DYNC2H1: variants seen among roughly 807,000 people sequenced by gnomAD.
The protein encoded by DYNC2H1 is dynein cytoplasmic 2 heavy chain 1, also known as cytoplasmic dynein 2 heavy chain 1.
DYNC2H1 carries 410 observed loss-of-function variants against 570.0 expected under a neutral mutation model. The observed-to-expected ratio is 0.72, with a 90% CI of 0.66 to 0.78. DYNC2H1 has a LOEUF of 0.78. Ranked by LOEUF, DYNC2H1 falls within the 30% of genes least tolerant of loss-of-function variation. DYNC2H1 has a pLI of 0.00. For missense variants in DYNC2H1, 4,865 were observed against 5,046.4 expected, an observed-to-expected ratio of 0.96 and a Z score of 1.09; for synonymous variants, 1,688 against 1,677.6, an observed-to-expected ratio of 1.01 and a Z score of -0.15.
At chr11:103,343,133 G>A (rs1302194708) in intron 82 of DYNC2H1, among the ~76,000 whole-genome samples, 1 of 152,142 alleles carries the variant, frequency 6.6e-6, no homozygotes, top group Admixed American at 6.5e-5. Context: ...TTCTGCTTTT[G>A]CTGTTCTTCC....
chr11:103,117,205 G>GTATA (rs892691180), intron 5 of DYNC2H1, among the ~76,000 whole-genome samples: 3 of 140,690 alleles, frequency 2.1e-5, no homozygotes, highest in East Asian at 4.1e-4. Flanking sequence ...TGAGGAAATT[G>GTATA]TATATATATA....
chr11:103,133,274 G>C lies in DYNC2H1; in HGVS notation c.1954-281G>C, dbSNP rs1190892347. 6.6e-6 allele frequency among the ~76,000 whole-genome samples: 1 copy of C among 151,988 alleles called. No homozygotes were observed. The highest frequency in any genetic ancestry group is 6.6e-5 in the Admixed American group (1 of 15,258). ...AGGTTTGTCGTGCCTTAATTCCTCAGGTTTCTAGGCTGTCTGCCTTCTTCA... is the reference window on the plus strand; with the variant it reads ...AGGTTTGTCGTGCCTTAATTCCTCACGTTTCTAGGCTGTCTGCCTTCTTCA... On this transcript the variant is annotated intron_variant, in intron 13 of 88. Coordinates refer to ENST00000375735, the MANE Select transcript of DYNC2H1 (RefSeq NM_001377.3). This position sits in a 1 kb window ranked among gnomAD's most constrained non-coding sequence, Gnocchi z 4.8.
intron 83 of DYNC2H1, among the ~76,000 whole-genome samples, chr11:103,365,286 G>C (rs959067296): frequency 6.6e-6 from 1 of 151,982 alleles, no homozygotes; most frequent in Non-Finnish European, 1.5e-5. Flanking sequence ...ACTTGAACCC[G>C]GGAGGCGGAG....
At chr11:103,263,022 CA>C (rs35912109) in intron 70 of DYNC2H1, among the ~76,000 whole-genome samples, 6,478 of 40,070 alleles carry the variant, frequency 0.16, 80 homozygotes, top group East Asian at 0.19. Flanking sequence ...AAATGGAAAG[CA>C]AAAAAAAAAA....
chr11:103,141,878 C>G (rs1859957819), intron 17 of DYNC2H1, among the ~76,000 whole-genome samples: 1 of 152,356 alleles, frequency 6.6e-6, no homozygotes, highest in Non-Finnish European at 1.5e-5. Flanking sequence ...GAGCTTCCCA[C>G]CTGCTTTGTT....
chr11:103,453,857 A>C (rs895554164), intron 85 of DYNC2H1, among the ~76,000 whole-genome samples: 4 of 151,882 alleles, frequency 2.6e-5, no homozygotes, highest in African/African-American at 7.2e-5. Flanking sequence ...ATTAGCAGAT[A>C]ATTTAATAAA....
rs370156627 is a variant in DYNC2H1 at position 103,311,960 on chromosome 11, A to G, written c.11576A>G (p.His3859Arg). ...PEQISKKDNT[H>R]RAHALFSLAW... ...CAAATTAGCAAAAAAGATAATACAC[A>G]TCGAGCTCATGCTCTCTTCAGTCTT... Residue 3859 changes from histidine to arginine, a missense_variant, in exon 79 of 89, where the codon CAT becomes CGT. Transcript: ENST00000375735. 40 of 1,613,840 alleles carry G rather than the reference A, an allele frequency of 2.5e-5. No homozygotes were observed. The highest frequency in any genetic ancestry group is 3.2e-5 in the Non-Finnish European group (38 of 1,179,830).
At chr11:103,437,758 A>G (rs1166819025) in intron 85 of DYNC2H1, among the ~76,000 whole-genome samples, 1 of 152,098 alleles carries the variant, frequency 6.6e-6, no homozygotes, top group Non-Finnish European at 1.5e-5. Flanking sequence ...ACTTTTCAGT[A>G]CTGTTTCCTT....
intron 75 of DYNC2H1, among the ~76,000 whole-genome samples, chr11:103,288,407 A>G (rs886069619): frequency 1.3e-5 from 2 of 152,122 alleles, no homozygotes; most frequent in Non-Finnish European, 2.9e-5. Context: ...TCTTGGGCAC[A>G]GGCAGAACTA....
chr11:103,135,061 C>G (rs1859467981), intron 15 of DYNC2H1, among the ~76,000 whole-genome samples: 1 of 151,930 alleles, frequency 6.6e-6, no homozygotes, highest in Non-Finnish European at 1.5e-5. Context: ...TATGAGCAAT[C>G]TAATATTTTA....
intron 43 of DYNC2H1, 25 bp from the exon 44 acceptor site, chr11:103,188,472 T>A (rs1459728164): frequency 4.7e-6 from 7 of 1,496,276 alleles, no homozygotes; most frequent in Admixed American, 3.8e-5. Context: ...TAAAAAACGT[T>A]TAAAATATAT....
Position 103,185,191 on chromosome 11 carries a change from A to G in DYNC2H1, c.6633+140A>G. On this transcript the variant is annotated intron_variant, in intron 41 of 88. Transcript: ENST00000375735. This position sits in a 1 kb window ranked among gnomAD's most constrained non-coding sequence, Gnocchi z 4.5. ...TATGTATTCAATTGAGTAATAATGT[A>G]TTTATGTATGTGTATTTATATTTTC... 4.9e-6 allele frequency: 3 copies of G among 606,402 alleles called. No homozygotes were observed. Among genetic ancestry groups the G allele is most frequent in the South Asian group, 3.5e-5 (1 of 28,810 alleles). The allele number at this position is 606,402 out of a possible 1,614,324, so 37.6% of individuals were successfully genotyped here.
intron 88 of DYNC2H1, among the ~76,000 whole-genome samples, chr11:103,475,304 T>C (rs1386401054): frequency 1.3e-5 from 2 of 152,324 alleles, no homozygotes; most frequent in East Asian, 3.9e-4. Flanking sequence ...CTTTTCTGCA[T>C]TAATTGAACA....
In DYNC2H1 at chr11:103,369,422, A is replaced by G. The variant is rs1199787595; in HGVS notation, c.12156+11063A>G. On this transcript the variant is annotated intron_variant, in intron 83 of 88. Coordinates refer to ENST00000375735, the MANE Select transcript of DYNC2H1 (RefSeq NM_001377.3). This position sits in a 1 kb window ranked among gnomAD's most constrained non-coding sequence, Gnocchi z 4.0. ...AATTCCTATGTGAGTAATGCTGCTG[A>G]ACTAGGCCCAGAGACAGTGAACTGG... 6.6e-6 allele frequency among the ~76,000 whole-genome samples: 1 copy of G among 152,178 alleles called. No individual in the cohort carries two copies. The highest frequency in any genetic ancestry group is 1.9e-4 in the East Asian group (1 of 5,182).
At chr11:103,240,267 TTA>T (rs1342679015) in intron 63 of DYNC2H1, among the ~76,000 whole-genome samples, 1 of 152,136 alleles carries the variant, frequency 6.6e-6, no homozygotes, top group Non-Finnish European at 1.5e-5. Context: ...TTATTAGAGT[TTA>T]TGTTTCCAGA....
At chr11:103,216,031 A>G (rs1010838522) in intron 55 of DYNC2H1, 173 bp downstream of exon 55, 7 of 774,770 alleles carry the variant, frequency 9.0e-6, no homozygotes, top group Non-Finnish European at 1.4e-5. Flanking sequence ...GTATTTTCCT[A>G]TATTGTTTAG....
rs763415766 is a variant in DYNC2H1, at chr11:103,170,958, G to T, written c.5224G>T (p.Glu1742Ter). ...GTGTGGGGCCTGGGGTTGTTTTGAT[G>T]AATTTAATAGGCTGGAAGAATCTGT... ...VKCGAWGCFD[E>*]FNRLEESVLS... Residue 1742 changes from glutamate (E) to a stop codon, truncating the protein, a stop_gained, in exon 34 of 89, where the codon GAA (glutamate) becomes TAA (stop). Coordinates refer to ENST00000375735, the MANE Select transcript of DYNC2H1 (RefSeq NM_001377.3). LOFTEE classifies it high-confidence loss of function. This position sits in a 1 kb window ranked among gnomAD's most constrained non-coding sequence, Gnocchi z 4.8. 1.9e-6 allele frequency: 3 copies of T among 1,607,598 alleles called. No homozygotes were observed. In the South Asian group the frequency reaches 3.3e-5, roughly 18 times the overall value.
intron 85 of DYNC2H1, among the ~76,000 whole-genome samples, chr11:103,452,682 C>G (rs1203627088): frequency 6.6e-6 from 1 of 151,846 alleles, no homozygotes; most frequent in African/African-American, 2.4e-5. Context: ...CTTCAAAATT[C>G]TGTATATTTT....
chr11:103,189,710 C>G lies in DYNC2H1; in HGVS notation c.7331C>G (p.Ala2444Gly). ...GAGCAGTTACAAACGATTTATGGAG[C>G]ATATTTGGAACCAGTTCTACATAAA... ...EREQLQTIYGAYLEPVLHKNL... is the reference protein window; with the variant it reads ...EREQLQTIYGGYLEPVLHKNL... The change falls in exon 45 of 89, where the codon GCA becomes GGA. Residue 2444 changes from alanine (A) to glycine (G), a missense_variant. Ala to Gly is a moderately conservative substitution (Grantham distance 60). Around this residue, in one of 5 missense-constraint regions of DYNC2H1, gnomAD observed 2,401 missense variants for 2,454.6 expected, o/e 0.98. Coordinates refer to ENST00000375735, the MANE Select transcript of DYNC2H1 (RefSeq NM_001377.3). The surrounding 1 kb of genome is among the most constrained non-coding windows in gnomAD (Gnocchi z 4.3). 6.2e-7 allele frequency: 1 copy of G among 1,612,844 alleles called. No homozygotes were observed. The highest frequency in any genetic ancestry group is 8.5e-7 in the Non-Finnish European group (1 of 1,179,364).
Sources: gnomAD v4.1 joint callset for allele counts (sites outside exome capture counted in the v4.1 genomes callset) on GRCh38, gnomAD v4.1.1 for gene constraint, gnomAD v4.1.1 regional missense constraint, Gnocchi (gnomAD v3.1) non-coding constraint, MANE v1.5 for transcripts, NCBI Gene and HGNC (gene_info 2026-07-23, HGNC 2026-07-21) for gene names.